ENPP2: variants seen among roughly 807,000 people sequenced by gnomAD.
The protein encoded by ENPP2 is autotaxin.
Under a neutral mutation model 120.2 loss-of-function variants are expected in ENPP2, and 51 were observed. That is an observed-to-expected ratio of 0.42 (90% CI 0.34 to 0.54). The LOEUF (loss-of-function observed/expected upper bound fraction) is 0.54, where lower values mean the gene tolerates loss of function less well. Among genes scored for constraint, ENPP2 ranks in the 20% least tolerant of loss-of-function variants. The probability of loss-of-function intolerance (pLI) is 0.04; values close to 1 mark genes in which losing one functional copy is unlikely to be tolerated. For missense variants in ENPP2, 920 were observed against 1,066.5 expected (o/e 0.86, Z 1.91); for synonymous variants, 365 against 366.4 (o/e 1.00, Z 0.04).
In ENPP2 at chr8:119,567,702, A is replaced by G. The variant is rs140895208; in HGVS notation, c.2131+473T>C. Among the ~76,000 whole-genome samples, 34 of 152,364 alleles carry G rather than the reference A, an allele frequency of 2.2e-4. No individual in the cohort carries two copies. The East Asian group carries it at 4.8e-3, about 22-fold the overall frequency. On this transcript the variant is annotated intron_variant, in intron 22 of 24. Transcript: ENST00000075322. ...CAGAAAATGTTATCACCCCAAGAGG[A>G]AGAGGTGCTACTGGCTTTTACTGCA...
chr8:119,671,015 A>C (rs1188869856), intron 1 of ENPP2, among the ~76,000 whole-genome samples: 1 of 151,976 alleles, frequency 6.6e-6, no homozygotes, highest in East Asian at 1.9e-4. Context: ...GTCTGGGCAC[A>C]GTGGCTCACG....
In ENPP2 at chr8:119,626,560, C is replaced by T. The variant is rs756198233; in HGVS notation, c.292+5G>A. ...GAAGGTAGAGAGGACTCATAAGTTA[C>T]GTACCTGTCTTCAAACACAGCTCAT... is the stretch of plus-strand genomic sequence containing the variant. On this transcript the variant is annotated splice_donor_5th_base_variant and intron_variant, in intron 3 of 24. Coordinates refer to ENST00000075322, the MANE Select transcript of ENPP2 (RefSeq NM_001040092.3). 4.3e-6 allele frequency: 7 copies of T among 1,612,930 alleles called. No homozygotes were observed. Among genetic ancestry groups the T allele is most frequent in the South Asian group, 3.3e-5 (3 of 91,012 alleles).
chr8:119,568,327 G>T (rs186750360), intron 21 of ENPP2, 75 bp from the exon 22 acceptor site: 40 of 801,956 alleles, frequency 5.0e-5, no homozygotes, highest in Non-Finnish European at 7.4e-5. Flanking sequence ...GGGAGAGGGG[G>T]GTAGAATTTT....
intron 17 of ENPP2, 38 bp from the exon 18 acceptor site, chr8:119,582,640 T>A: frequency 6.9e-7 from 1 of 1,446,590 alleles, no homozygotes; most frequent in Non-Finnish European, 9.7e-7. Flanking sequence ...GTGCTTCTTA[T>A]ATTTTTTTGA....
chr8:119,628,129 T>C (rs556751215), intron 2 of ENPP2, among the ~76,000 whole-genome samples: 28 of 152,134 alleles, frequency 1.8e-4, no homozygotes, highest in Admixed American at 3.3e-4. Flanking sequence ...ATTCTGAAGT[T>C]AAATAATCAA....
chr8:119,603,473 G>A (rs956559042), intron 9 of ENPP2, among the ~76,000 whole-genome samples: 3 of 152,186 alleles, frequency 2.0e-5, no homozygotes, highest in Non-Finnish European at 4.4e-5. Flanking sequence ...TGCCAGCTAT[G>A]AGGCCAGAGT....
At chr8:119,582,641 A>AT in intron 17 of ENPP2, 39 bp from the exon 18 acceptor site, 2 of 1,412,276 alleles carry the variant, frequency 1.4e-6, no homozygotes, top group East Asian at 2.3e-5. Context: ...TGCTTCTTAT[A>AT]TTTTTTTGAT....
rs115323900 is a variant in ENPP2, at chr8:119,654,591, C to T, written c.22-16064G>A. On this transcript the variant is annotated intron_variant, in intron 1 of 25. Transcript: ENST00000427067. The stretch of plus-strand genomic sequence containing the variant: ...AACTCCTGGCCTCAAGCAATGTTCC[C>T]GCCTCAGCCCCACAAAGTGCTGGAA... Among the ~76,000 whole-genome samples the T allele has an allele frequency of 1.4e-3, 206 of 151,154 alleles. 2 individuals are homozygous for T. Among genetic ancestry groups the T allele is most frequent in the Non-Finnish European group, 2.3e-3 (158 of 67,868 alleles).
intron 18 of ENPP2, among the ~76,000 whole-genome samples, chr8:119,582,088 T>C (rs959101995): frequency 6.6e-6 from 1 of 152,200 alleles, no homozygotes; most frequent in African/African-American, 2.4e-5. Context: ...GTCGGGACCA[T>C]GACTAATAGA....
At chr8:119,602,383 G>A (rs557494222) in intron 9 of ENPP2, among the ~76,000 whole-genome samples, 1 of 151,492 alleles carries the variant, frequency 6.6e-6, no homozygotes, top group East Asian at 1.9e-4. Context: ...CTTGAATCCA[G>A]GAGGCAGAGG....
chr8:119,595,862 T>G lies in ENPP2; in HGVS notation c.973-2002A>C, dbSNP rs776254558. On this transcript the variant is annotated intron_variant, in intron 11 of 24. Coordinates refer to ENST00000075322, the MANE Select transcript of ENPP2 (RefSeq NM_001040092.3). ...ATAAACTTACTTTGTCCTGACGAGT[T>G]TCCGCAGCATAATGATCCATCCTAT... 6.2e-6 allele frequency: 10 copies of G among 1,614,044 alleles called. No individual in the cohort carries two copies. The South Asian group carries it at 9.9e-5, about 16-fold the overall frequency.
intron 1 of ENPP2, among the ~76,000 whole-genome samples, chr8:119,644,009 G>A (rs1014348412): frequency 1.3e-5 from 2 of 152,088 alleles, no homozygotes; most frequent in African/African-American, 4.8e-5. Context: ...GACTAGTGCA[G>A]GGAGAGCAGA....
At chr8:119,649,666 G>T (rs1242635560) in intron 1 of ENPP2, among the ~76,000 whole-genome samples, 1 of 152,090 alleles carries the variant, frequency 6.6e-6, no homozygotes, top group Non-Finnish European at 1.5e-5. Context: ...AACTGATAAT[G>T]TTCAAATATC....
chr8:119,566,984 C>T lies in ENPP2; in HGVS notation c.2131+1191G>A, dbSNP rs575301836. Among the ~76,000 whole-genome samples, 7 of 152,286 alleles carry T rather than the reference C, an allele frequency of 4.6e-5. No individual in the cohort carries two copies. In the South Asian group the frequency reaches 1.5e-3, roughly 32 times the overall value. ...TCAAATAAACATTTTTTTCTCTAAA[C>T]CGTGTGGCCCTTTTCACCAATGTTA... is the stretch of plus-strand genomic sequence containing the variant. On this transcript the variant is annotated intron_variant, in intron 22 of 24. Coordinates refer to ENST00000075322, the MANE Select transcript of ENPP2 (RefSeq NM_001040092.3).
At position 119,626,717 on chromosome 8, in the gene ENPP2, A is replaced by G; in HGVS notation, c.140T>C (p.Leu47Pro). ...GATGTTGGTCCAGGGGGAGTCTGAT[A>G]GCACTGCAAAGAACAAGAGGCAAAA... ...EGWEEGPPTV[L>P]SDSPWTNISG... is the part of the protein sequence containing the mutation. The change falls in exon 3 of 25, where the codon CTA (leucine) becomes CCA (proline). Residue 47 changes from leucine to proline, a missense_variant. Leu to Pro is a moderately conservative substitution (Grantham distance 98). Coordinates refer to ENST00000075322, the MANE Select transcript of ENPP2 (RefSeq NM_001040092.3). 3.7e-6 allele frequency: 6 copies of G among 1,613,944 alleles called. No homozygotes were observed. Among genetic ancestry groups the G allele is most frequent in the Non-Finnish European group, 4.2e-6 (5 of 1,179,854 alleles).
chr8:119,565,597 T>C (rs1344043517), intron 22 of ENPP2, among the ~76,000 whole-genome samples: 1 of 152,254 alleles, frequency 6.6e-6, no homozygotes, highest in Non-Finnish European at 1.5e-5. Context: ...TCATCCTTGC[T>C]TTCTCTCCTA....
At chr8:119,567,538 A>G (rs1814574947) in intron 22 of ENPP2, among the ~76,000 whole-genome samples, 1 of 152,212 alleles carries the variant, frequency 6.6e-6, no homozygotes, top group Admixed American at 6.5e-5. Context: ...GCATCCACAA[A>G]TATTTATGTC....
intron 2 of ENPP2, among the ~76,000 whole-genome samples, chr8:119,637,547 T>C (rs758352468): frequency 1.3e-5 from 2 of 152,148 alleles, no homozygotes; most frequent in African/African-American, 2.4e-5. Flanking sequence ...GATCAAGACA[T>C]ACAGAGAAAC....
At chr8:119,662,537 G>C (rs541008694) in intron 1 of ENPP2, among the ~76,000 whole-genome samples, 1 of 152,090 alleles carries the variant, frequency 6.6e-6, no homozygotes, top group Non-Finnish European at 1.5e-5. Context: ...CAAGCCCTCC[G>C]GGTGATTCTG....
Sources: gnomAD v4.1 joint callset for allele counts (sites outside exome capture counted in the v4.1 genomes callset) on GRCh38, gnomAD v4.1.1 for gene constraint, MANE v1.5 for transcripts, NCBI Gene and HGNC (gene_info 2026-07-23, HGNC 2026-07-21) for gene names.